Variants in NALF1 observed in about 807,000 individuals in gnomAD.
NALF1 encodes family with sequence similarity 155 member A.
In NALF1, 3 loss-of-function variants were observed where a neutral mutation model predicts 48.4. The observed-to-expected ratio is 0.06, with a 90% confidence interval of 0.03 to 0.16. The LOEUF (loss-of-function observed/expected upper bound fraction) is 0.16. Among genes scored for constraint, NALF1 ranks in the 10% least tolerant of loss-of-function variants. The probability of loss-of-function intolerance (pLI) is 1.00; values close to 1 mark genes in which losing one functional copy is unlikely to be tolerated. For missense variants in NALF1, 526 were observed against 571.5 expected, an observed-to-expected ratio of 0.92 and a Z score of 0.81; for synonymous variants, 262 against 245.7, an observed-to-expected ratio of 1.07 and a Z score of -0.62.
chr13:107,661,967 A>G (rs574658411), intron 1 of NALF1, among the ~76,000 whole-genome samples: 1 of 152,178 alleles, frequency 6.6e-6, no homozygotes, highest in Non-Finnish European at 1.5e-5. Flanking sequence ...ATCTTTTAAA[A>G]AATTGTATGA....
intron 1 of NALF1, among the ~76,000 whole-genome samples, chr13:107,830,722 A>G (rs1461742560): frequency 2.0e-5 from 3 of 151,990 alleles, no homozygotes; most frequent in Non-Finnish European, 2.9e-5. Flanking sequence ...ACCCCTTCCC[A>G]TATATTTAAG....
At chr13:107,630,526 A>C (rs1180696286) in intron 1 of NALF1, among the ~76,000 whole-genome samples, 1 of 152,126 alleles carries the variant, frequency 6.6e-6, no homozygotes, top group Non-Finnish European at 1.5e-5. Context: ...AGAGCCCCTA[A>C]AAGCAGAAAT....
chr13:107,406,703 CTA>C (rs1438080704), intron 1 of NALF1, among the ~76,000 whole-genome samples: 1 of 151,730 alleles, frequency 6.6e-6, no homozygotes, highest in African/African-American at 2.4e-5. Context: ...GGAACCATCT[CTA>C]TTCATTTCTA....
At chr13:107,673,726 G>A (rs9587425) in intron 1 of NALF1, among the ~76,000 whole-genome samples, 29,650 of 152,014 alleles carry the variant, frequency 0.2, 3,063 homozygotes, top group Non-Finnish European at 0.22. Context: ...TGATGGAGAT[G>A]TTAATTGCTC....
At chr13:107,213,022 G>C (rs892136736) in intron 1 of NALF1, among the ~76,000 whole-genome samples, 19 of 151,994 alleles carry the variant, frequency 1.3e-4, no homozygotes, top group Non-Finnish European at 2.9e-5. Flanking sequence ...TCTGAATAGG[G>C]AATCGCATCC....
chr13:107,568,426 C>T (rs543540538), intron 1 of NALF1, among the ~76,000 whole-genome samples: 1 of 152,284 alleles, frequency 6.6e-6, no homozygotes, highest in East Asian at 1.9e-4. Flanking sequence ...GGTTTAAGTT[C>T]TTGCATAAAA....
intron 1 of NALF1, among the ~76,000 whole-genome samples, chr13:107,689,627 G>C (rs756134321): frequency 6.6e-6 from 1 of 152,108 alleles, no homozygotes; most frequent in African/African-American, 2.4e-5. Context: ...AGTCATGGCA[G>C]ATATTTTTGG....
At chr13:107,421,864 G>A (rs1220626652) in intron 1 of NALF1, among the ~76,000 whole-genome samples, 1 of 152,092 alleles carries the variant, frequency 6.6e-6, no homozygotes, top group Non-Finnish European at 1.5e-5. Context: ...CTGGTTTTTA[G>A]CCCAATCTTC....
chr13:107,774,436 T>A (rs1029816709), intron 1 of NALF1, among the ~76,000 whole-genome samples: 11 of 152,194 alleles, frequency 7.2e-5, no homozygotes, highest in African/African-American at 2.7e-4. Flanking sequence ...CCTAAGAAAT[T>A]ACATTCAGCA....
At chr13:107,247,855 A>G (rs1037660608) in intron 1 of NALF1, among the ~76,000 whole-genome samples, 46 of 152,202 alleles carry the variant, frequency 3.0e-4, no homozygotes, top group African/African-American at 1.1e-3. Flanking sequence ...TCTGACTTCC[A>G]TAACATAGAA....
intron 1 of NALF1, among the ~76,000 whole-genome samples, chr13:107,727,981 T>G: frequency 6.6e-6 from 1 of 152,234 alleles, no homozygotes; most frequent in Non-Finnish European, 1.5e-5. Flanking sequence ...AAAACCACAA[T>G]GAGATACCAT....
chr13:107,198,861 CTA>C (rs1241185580), intron 2 of NALF1, among the ~76,000 whole-genome samples: 3 of 152,154 alleles, frequency 2.0e-5, no homozygotes, highest in Admixed American at 6.5e-5. Flanking sequence ...TGTTTTATCT[CTA>C]TGTGTCTATA....
intron 1 of NALF1, among the ~76,000 whole-genome samples, chr13:107,397,924 G>C (rs1356851117): frequency 6.6e-6 from 1 of 152,146 alleles, no homozygotes; most frequent in Non-Finnish European, 1.5e-5. Flanking sequence ...ATTGTGAAAA[G>C]TGGTTAAAAT....
intron 1 of NALF1, among the ~76,000 whole-genome samples, chr13:107,710,827 AT>A (rs1875564415): frequency 1.4e-4 from 6 of 43,220 alleles, no homozygotes; most frequent in Admixed American, 9.7e-4. Context: ...ATATATACAC[AT>A]ACAGAGACAC....
At chr13:107,632,950 T>A (rs1024260748) in intron 1 of NALF1, among the ~76,000 whole-genome samples, 1 of 149,976 alleles carries the variant, frequency 6.7e-6, no homozygotes, top group Non-Finnish European at 1.5e-5. Flanking sequence ...TGGATTTCAC[T>A]TGGTGCAGCT....
At chr13:107,481,360 C>T (rs1244883663) in intron 1 of NALF1, among the ~76,000 whole-genome samples, 1 of 152,130 alleles carries the variant, frequency 6.6e-6, no homozygotes, top group East Asian at 1.9e-4. Flanking sequence ...CATCTTGTCA[C>T]AATAATATAT....
intron 1 of NALF1, among the ~76,000 whole-genome samples, chr13:107,640,242 G>A (rs1027924799): frequency 1.3e-5 from 2 of 152,046 alleles, no homozygotes; most frequent in African/African-American, 2.4e-5. Flanking sequence ...TAAGTACTAC[G>A]GCATTAGTCA....
intron 1 of NALF1, among the ~76,000 whole-genome samples, chr13:107,374,032 T>C (rs1883293708): frequency 6.6e-6 from 1 of 152,216 alleles, no homozygotes; most frequent in African/African-American, 2.4e-5. Flanking sequence ...GTAATGAAAA[T>C]TATTGATTTA....
chr13:107,448,545 G>A (rs1021812125), intron 1 of NALF1, among the ~76,000 whole-genome samples: 1 of 152,142 alleles, frequency 6.6e-6, no homozygotes, highest in Non-Finnish European at 1.5e-5. Context: ...TAATGTCCAG[G>A]AGGGGTCATG....
Sources: allele counts gnomAD v4.1 joint callset (sites outside exome capture counted in the v4.1 genomes callset), GRCh38; gene constraint gnomAD v4.1.1; transcripts MANE v1.5; gene names NCBI Gene and HGNC (gene_info 2026-07-23, HGNC 2026-07-21).